SYN2: variants seen among roughly 807,000 people sequenced by gnomAD.
The protein encoded by SYN2 is synapsin-2.
SYN2 carries 19 observed loss-of-function variants against 50.9 expected under a neutral mutation model. That is an observed-to-expected ratio of 0.37 (90% CI 0.26 to 0.55). The LOEUF (loss-of-function observed/expected upper bound fraction) is 0.55. Ranked by LOEUF, SYN2 falls within the 20% of genes least tolerant of loss-of-function variation. The probability of loss-of-function intolerance (pLI) is 0.81; values close to 1 mark genes in which losing one functional copy is unlikely to be tolerated. For missense variants in SYN2, 587 were observed against 576.4 expected, an observed-to-expected ratio of 1.02 and a Z score of -0.19; for synonymous variants, 255 against 224.9, an observed-to-expected ratio of 1.13 and a Z score of -1.20.
At chr3:12,095,843 A>G (rs1362654630) in intron 1 of SYN2, among the ~76,000 whole-genome samples, 5 of 151,978 alleles carry the variant, frequency 3.3e-5, no homozygotes, top group African/African-American at 1.2e-4. Context: ...TAGATTTCAT[A>G]CCATCTTGGT....
At chr3:12,134,064 TG>T (rs1696844951) in intron 1 of SYN2, among the ~76,000 whole-genome samples, 1 of 152,100 alleles carries the variant, frequency 6.6e-6, no homozygotes, top group African/African-American at 2.4e-5. Flanking sequence ...ACCATTGAAG[TG>T]TATACGTAAA....
intron 1 of SYN2, among the ~76,000 whole-genome samples, chr3:12,130,237 C>CGTGT (rs34883251): frequency 4.4e-4 from 66 of 149,180 alleles, no homozygotes; most frequent in East Asian, 3.0e-3. Context: ...TCTCTGTGTG[C>CGTGT]GTGTGTGTGT....
intron 11 of SYN2, 91 bp from the exon 12 acceptor site, chr3:12,187,278 A>AT (rs1698360178): frequency 1.4e-6 from 2 of 1,437,382 alleles, no homozygotes; most frequent in Non-Finnish European, 1.8e-6. Flanking sequence ...CCTTTGGGTA[A>AT]TTAACTAACC....
intron 1 of SYN2, among the ~76,000 whole-genome samples, chr3:12,012,748 C>G (rs1022626490): frequency 6.6e-6 from 1 of 152,162 alleles, no homozygotes; most frequent in Non-Finnish European, 1.5e-5. Flanking sequence ...GAAAAAGACT[C>G]ATCTCTTGTC....
chr3:12,097,462 C>T (rs1465104792), intron 1 of SYN2, among the ~76,000 whole-genome samples: 4 of 151,852 alleles, frequency 2.6e-5, no homozygotes, highest in African/African-American at 7.3e-5. Context: ...AAAAATTGGC[C>T]GGGTGTGGTG....
At chr3:12,165,152 A>G (rs1357463319) in intron 7 of SYN2, 1 of 151,958 alleles carries the variant, frequency 6.6e-6, no homozygotes, top group Non-Finnish European at 1.5e-5. Flanking sequence ...ATGCCTGGCT[A>G]ATTTTTTGTA....
chr3:12,052,664 T>TA (rs1178113968), intron 1 of SYN2, among the ~76,000 whole-genome samples: 3 of 152,126 alleles, frequency 2.0e-5, no homozygotes, highest in African/African-American at 7.2e-5. Context: ...GATGGATTGG[T>TA]AGGAGGAGAG....
chr3:12,032,021 G>T (rs1440524451), intron 1 of SYN2, among the ~76,000 whole-genome samples: 1 of 143,664 alleles, frequency 7.0e-6, no homozygotes, highest in African/African-American at 2.5e-5. Context: ...GCTGGTACCG[G>T]TTGTTCCTTT....
chr3:12,178,811 A>G (rs541208362), intron 10 of SYN2, among the ~76,000 whole-genome samples: 2 of 152,362 alleles, frequency 1.3e-5, no homozygotes, highest in South Asian at 2.1e-4. Context: ...CTTATTTAAG[A>G]TGTCTTGGGC....
chr3:12,034,975 G>A (rs373827), intron 1 of SYN2, among the ~76,000 whole-genome samples: 133,678 of 152,208 alleles, frequency 0.88, 58,909 homozygotes, highest in East Asian at 0.97. Flanking sequence ...TCAAGGCACA[G>A]TTCATCCCGA....
At chr3:12,072,475 C>T (rs1005247437) in intron 1 of SYN2, among the ~76,000 whole-genome samples, 5 of 152,186 alleles carry the variant, frequency 3.3e-5, no homozygotes, top group African/African-American at 9.7e-5. Flanking sequence ...TTAAGCCCTT[C>T]ATCCATTCTG....
chr3:12,183,385 A>G lies in SYN2; in HGVS notation c.1369+13A>G, dbSNP rs1184825918. 1 of 1,613,784 alleles carries G rather than the reference A, an allele frequency of 6.2e-7. No homozygotes were observed. Among genetic ancestry groups the G allele is most frequent in the Admixed American group, 1.7e-5 (1 of 59,964 alleles). ...CCACCCCCTCAAGGTTGTTTACAGT[A>G]TATTCTCGACTGTAATGGCATTGCA... On this transcript the variant is annotated intron_variant, in intron 11 of 12. Coordinates refer to ENST00000621198, the MANE Select transcript of SYN2 (RefSeq NM_133625.6).
chr3:12,171,485 T>C (rs957584174), intron 10 of SYN2, among the ~76,000 whole-genome samples: 1 of 152,168 alleles, frequency 6.6e-6, no homozygotes, highest in Admixed American at 6.5e-5. Flanking sequence ...TCTGGTAGTA[T>C]CTTAAAGAAT....
At chr3:12,161,448 A>G in intron 5 of SYN2, 98 bp from the exon 6 acceptor site, 1 of 1,385,400 alleles carries the variant, frequency 7.2e-7, no homozygotes, top group Non-Finnish European at 1.0e-6. Flanking sequence ...AGTTCTTTAA[A>G]GAACCCTCCC....
At chr3:12,074,416 C>G (rs1226096684) in intron 1 of SYN2, among the ~76,000 whole-genome samples, 2 of 152,086 alleles carry the variant, frequency 1.3e-5, no homozygotes, top group Admixed American at 6.6e-5. Flanking sequence ...TACCAGATTG[C>G]AAGCCCTCCC....
chr3:12,011,762 C>T (rs967544743), intron 1 of SYN2, among the ~76,000 whole-genome samples: 7 of 152,106 alleles, frequency 4.6e-5, no homozygotes, highest in Non-Finnish European at 7.4e-5. Flanking sequence ...GACAGATTTC[C>T]GCTGGAGGTC....
intron 1 of SYN2, among the ~76,000 whole-genome samples, chr3:12,005,209 G>A (rs1264824024): frequency 1.3e-5 from 2 of 152,150 alleles, no homozygotes; most frequent in African/African-American, 2.4e-5. Context: ...CAACAGGAAA[G>A]GCCCTTAGGA....
At chr3:12,116,423 T>C (rs1468440835) in intron 1 of SYN2, among the ~76,000 whole-genome samples, 6 of 152,174 alleles carry the variant, frequency 3.9e-5, no homozygotes, top group African/African-American at 1.4e-4. Flanking sequence ...AGAGTAACCA[T>C]GGTCTCACCT....
chr3:12,155,299 G>T (rs1328660771), intron 5 of SYN2, among the ~76,000 whole-genome samples: 4 of 152,334 alleles, frequency 2.6e-5, no homozygotes, highest in East Asian at 1.9e-4. Flanking sequence ...TTACACTATT[G>T]TGTGGTTCTA....
Sources: gnomAD v4.1 joint callset for allele counts (sites outside exome capture counted in the v4.1 genomes callset) on GRCh38, gnomAD v4.1.1 for gene constraint, MANE v1.5 for transcripts, NCBI Gene and HGNC (gene_info 2026-07-23, HGNC 2026-07-21) for gene names.